The following MAST4 variants were observed in gnomAD, a reference collection of about 807,000 sequenced individuals.
MAST4 encodes the protein microtubule associated serine/threonine kinase family member 4.
A neutral mutation model predicts 162.7 loss-of-function variants in MAST4; 89 were observed. That is an observed-to-expected ratio of 0.55 (90% CI 0.46 to 0.65). The LOEUF (loss-of-function observed/expected upper bound fraction) is 0.65. MAST4 is among the 30% of genes least tolerant of loss of function. The pLI is 0.00. For synonymous variants in MAST4, 1,479 were observed against 1,361.1 expected (o/e 1.09, Z -1.91); for missense variants, 3,153 against 3,374.0 (o/e 0.93, Z 1.62).
In MAST4 at chr5:66,767,979, C is replaced by A. The variant is rs538588546; in HGVS notation, c.517+8117C>A. 7.9e-5 allele frequency among the ~76,000 whole-genome samples: 12 copies of A among 152,300 alleles called. 1 individual carries two copies. Among genetic ancestry groups the A allele is most frequent in the African/African-American group, 2.9e-4 (12 of 41,562 alleles). On this transcript the variant is annotated intron_variant, in intron 2 of 28. Coordinates refer to ENST00000403625, the MANE Select transcript of MAST4 (RefSeq NM_001164664.2). ...CTCACAGACACATCCAGCATCCACA[C>A]TTTACATCCTTCAATCCAGTCAAGT...
At chr5:66,798,037 C>CA (rs1755736759) in intron 3 of MAST4, among the ~76,000 whole-genome samples, 1 of 152,296 alleles carries the variant, frequency 6.6e-6, no homozygotes, top group East Asian at 1.9e-4. Context: ...GCCTTCACTT[C>CA]ATTTTCCTAA....
intron 3 of MAST4, among the ~76,000 whole-genome samples, chr5:66,837,883 TA>T (rs1561368580): frequency 9.3e-4 from 50 of 53,756 alleles, no homozygotes; most frequent in African/African-American, 4.6e-3. Flanking sequence ...TATATATATA[TA>T]TATATATATA....
chr5:66,717,009 G>A (rs1053141492), intron 1 of MAST4, among the ~76,000 whole-genome samples: 1 of 152,166 alleles, frequency 6.6e-6, no homozygotes, highest in African/African-American at 2.4e-5. Context: ...TTCTGTAGGG[G>A]GAGACCAGCG....
intron 4 of MAST4, among the ~76,000 whole-genome samples, chr5:67,050,580 C>T (rs1057382118): frequency 1.3e-5 from 2 of 152,096 alleles, no homozygotes; most frequent in Non-Finnish European, 2.9e-5. Flanking sequence ...ATAGTTGCCC[C>T]TAGGAGGAGC....
At chr5:66,732,540 T>C (rs1366229455) in intron 1 of MAST4, among the ~76,000 whole-genome samples, 3 of 152,228 alleles carry the variant, frequency 2.0e-5, no homozygotes, top group South Asian at 2.1e-4. Context: ...GCTATAGTTA[T>C]TTGCTTAGGA....
rs1748830437 is a variant in MAST4, at chr5:66,981,494, G to T, written c.675-72910G>T. The stretch of plus-strand genomic sequence containing the variant: ...GCAGTATTTACTGCGGTGATGGAAG[G>T]ATGGGGGTGGGGATGGCAGCACCTG... On this transcript the variant is annotated intron_variant, in intron 4 of 28. Transcript: ENST00000403625. 3.3e-5 allele frequency among the ~76,000 whole-genome samples: 5 copies of T among 152,332 alleles called. No homozygotes were observed. The South Asian group carries it at 1.0e-3, about 32-fold the overall frequency.
At chr5:66,823,410 G>C (rs1757088518) in intron 3 of MAST4, among the ~76,000 whole-genome samples, 1 of 152,188 alleles carries the variant, frequency 6.6e-6, no homozygotes, top group Admixed American at 6.5e-5. Flanking sequence ...ATGTGGTGAG[G>C]ATTTGATGAG....
intron 1 of MAST4, among the ~76,000 whole-genome samples, chr5:66,721,638 A>G (rs1388911265): frequency 1.3e-5 from 2 of 149,874 alleles, no homozygotes; most frequent in African/African-American, 4.9e-5. Context: ...GCCACCACCT[A>G]TAAACTTATA....
chr5:66,786,209 A>G (rs1161393550), intron 2 of MAST4, among the ~76,000 whole-genome samples: 2 of 152,026 alleles, frequency 1.3e-5, no homozygotes, highest in Non-Finnish European at 2.9e-5. Flanking sequence ...GATTTTTCAA[A>G]TTCTTCACTG....
At chr5:66,689,061 G>T (rs1478899067) in intron 1 of MAST4, among the ~76,000 whole-genome samples, 6 of 151,986 alleles carry the variant, frequency 3.9e-5, no homozygotes, top group Admixed American at 2.0e-4. Context: ...AGGATCAGAG[G>T]GTCTCTTGGT....
rs1338994267 is a variant in MAST4, at chr5:67,040,209, A to G, written c.675-14195A>G. On this transcript the variant is annotated intron_variant, in intron 4 of 28. Transcript: ENST00000403625. ...CTAGAAATAAGAAACCAGAAAAGTC[A>G]TATAAAAAGAGGCATGATCCAGAAA... 2.6e-5 allele frequency among the ~76,000 whole-genome samples: 4 copies of G among 152,166 alleles called. 1 individual carries two copies. The highest frequency in any genetic ancestry group is 5.9e-5 in the Non-Finnish European group (4 of 68,036).
At chr5:66,747,533 G>A (rs1752843712) in intron 1 of MAST4, among the ~76,000 whole-genome samples, 1 of 152,160 alleles carries the variant, frequency 6.6e-6, no homozygotes, top group South Asian at 2.1e-4. Context: ...AATTGATGTT[G>A]CTCAGCAAAT....
At chr5:66,836,481 A>G (rs1039114983) in intron 3 of MAST4, among the ~76,000 whole-genome samples, 1 of 152,134 alleles carries the variant, frequency 6.6e-6, no homozygotes, top group Non-Finnish European at 1.5e-5. Flanking sequence ...TCTATTATGA[A>G]ACACATGCAC....
chr5:67,111,161 A>G (rs1315950434), intron 11 of MAST4, among the ~76,000 whole-genome samples: 1 of 152,238 alleles, frequency 6.6e-6, no homozygotes, highest in Non-Finnish European at 1.5e-5. Context: ...TGTGAACATT[A>G]TAATTATTTT....
chr5:67,017,067 C>A (rs992930508), intron 4 of MAST4, among the ~76,000 whole-genome samples: 2 of 152,198 alleles, frequency 1.3e-5, no homozygotes, highest in African/African-American at 4.8e-5. Flanking sequence ...CGATGGCACT[C>A]AAATACACCT....
chr5:66,759,959 TG>T, intron 2 of MAST4, 97 bp downstream of exon 2: 1 of 1,327,806 alleles, frequency 7.5e-7, no homozygotes. Flanking sequence ...TTCTTAAGAA[TG>T]GGCCTGCCTC....
intron 1 of MAST4, among the ~76,000 whole-genome samples, chr5:66,753,612 A>G (rs1753331603): frequency 1.3e-5 from 2 of 151,748 alleles, no homozygotes; most frequent in South Asian, 4.2e-4. Context: ...AAGAAGTTGA[A>G]TCTCTGAATA....
chr5:66,800,106 C>T (rs1299272858), intron 3 of MAST4, among the ~76,000 whole-genome samples: 3 of 152,154 alleles, frequency 2.0e-5, no homozygotes, highest in Admixed American at 6.5e-5. Context: ...ATTAAGCTGG[C>T]CTTGTGACGA....
chr5:66,795,700 T>G (rs753590604), intron 3 of MAST4, among the ~76,000 whole-genome samples: 187 of 151,602 alleles, frequency 1.2e-3, no homozygotes, highest in Non-Finnish European at 1.9e-3. Context: ...TTATCTGTGC[T>G]GCCTCCTATA....
Sources: gnomAD v4.1 joint callset for allele counts (sites outside exome capture counted in the v4.1 genomes callset) on GRCh38, gnomAD v4.1.1 for gene constraint, MANE v1.5 for transcripts, NCBI Gene and HGNC (gene_info 2026-07-23, HGNC 2026-07-21) for gene names.